Variants in MDH1B observed in about 807,000 individuals in gnomAD.
MDH1B encodes malate dehydrogenase 1B.
MDH1B carries 60 observed loss-of-function variants against 61.4 expected under a neutral mutation model. The observed-to-expected ratio is 0.98, with a 90% CI of 0.79 to 1.21. The LOEUF is 1.21. MDH1B is among the 50% of genes most tolerant of loss of function. The pLI is 0.00. For missense variants in MDH1B, 587 were observed against 632.1 expected (o/e 0.93, Z 0.76); for synonymous variants, 236 against 218.7 (o/e 1.08, Z -0.70).
chr2:206,755,300 G>A lies in MDH1B; in HGVS notation c.619C>T (p.Gln207Ter), dbSNP rs754664125. The change falls in exon 5 of 12, where the codon CAG becomes TAG. Residue 207 changes from glutamine (Q) to a stop codon, truncating the protein, a stop_gained. Transcript: ENST00000374412. LOFTEE classifies it high-confidence loss of function. ...ICTKVEEAFR[Q>*]AHVIVVLDDS... ...TCCAGCACCACAATGACGTGGGCCT[G>A]GCGGAAGGCCTCCTCCACCTTCGTG... The A allele has an allele frequency of 1.9e-6, 3 of 1,614,210 alleles. No homozygotes were observed. The highest frequency in any genetic ancestry group is 1.6e-4 in the Middle Eastern group (1 of 6,062).
chr2:206,757,414 C>T (rs1688828873), intron 2 of MDH1B, 43 bp from the exon 3 acceptor site: 1 of 1,588,720 alleles, frequency 6.3e-7, no homozygotes, highest in East Asian at 2.2e-5. Context: ...TTAAATCTGC[C>T]TGAGAATTCA....
chr2:206,762,078 T>C (rs1210752386), intron 1 of MDH1B, among the ~76,000 whole-genome samples: 1 of 152,120 alleles, frequency 6.6e-6, no homozygotes, highest in East Asian at 1.9e-4. Flanking sequence ...AGGGCACCTT[T>C]AAAATTCATG....
chr2:206,753,570 G>A (rs1688577725), intron 5 of MDH1B, among the ~76,000 whole-genome samples: 1 of 152,118 alleles, frequency 6.6e-6, no homozygotes, highest in African/African-American at 2.4e-5. Context: ...TTGCTTTTCT[G>A]AAAAGGTTTG....
chr2:206,740,995 G>A, intron 10 of MDH1B, 59 bp downstream of exon 10: 1 of 1,606,396 alleles, frequency 6.2e-7, no homozygotes, highest in Non-Finnish European at 8.5e-7. Context: ...CTAACAACTG[G>A]ACAATATGAG....
At chr2:206,762,035 C>A (rs1248104608) in intron 1 of MDH1B, among the ~76,000 whole-genome samples, 5 of 152,118 alleles carry the variant, frequency 3.3e-5, no homozygotes, top group African/African-American at 1.2e-4. Context: ...TACCTGCTAG[C>A]CACCACTACA....
rs773728755 is a variant in MDH1B, at chr2:206,745,662, A to C, written c.1368T>G (p.Val456=). ...GAAAATGTATCTTGTCTCCAAGTGC[A>C]ACAAGTTTCTCCTGTTGAAATTTTA... ...MTSDLIQEKL[V]ALGDKIHFQP... is the part of the protein sequence containing the mutation. The change falls in exon 9 of 12, where the codon GTT becomes GTG. Residue 456 remains valine (V), a synonymous_variant. Transcript: ENST00000374412. The C allele has an allele frequency of 1.1e-5, 18 of 1,611,414 alleles. No homozygotes were observed. Among genetic ancestry groups the C allele is most frequent in the Admixed American group, 1.7e-5 (1 of 59,958 alleles).
rs1231841548 is a variant in MDH1B, at chr2:206,742,511, T to G, written c.1409-1407A>C. ...TTGTCTGAGGAGATAAACCCTGTGC[T>G]GCCTGAGGCAAGAGTGACGGCCTCC... On this transcript the variant is annotated intron_variant, in intron 9 of 11. Coordinates refer to ENST00000374412, the MANE Select transcript of MDH1B (RefSeq NM_001039845.3). Among the ~76,000 whole-genome samples the G allele has an allele frequency of 2.6e-5, 4 of 152,162 alleles. No individual in the cohort carries two copies. In the East Asian group the frequency reaches 5.8e-4, roughly 22 times the overall value.
intron 6 of MDH1B, 132 bp downstream of exon 6, chr2:206,750,802 G>T: frequency 1.4e-6 from 1 of 695,814 alleles, no homozygotes; most frequent in Non-Finnish European, 2.1e-6. Flanking sequence ...TCAGTAGACA[G>T]CATGAACAAA....
At chr2:206,763,170 A>T (rs1689201603) in intron 1 of MDH1B, among the ~76,000 whole-genome samples, 1 of 150,838 alleles carries the variant, frequency 6.6e-6, no homozygotes, top group Non-Finnish European at 1.5e-5. Flanking sequence ...AGTCGCTTAT[A>T]TTTATTATGT....
chr2:206,759,628 T>C (rs1020198009), intron 2 of MDH1B, among the ~76,000 whole-genome samples: 7 of 152,228 alleles, frequency 4.6e-5, no homozygotes, highest in African/African-American at 1.7e-4. Flanking sequence ...TAATAGTCAT[T>C]CTGACGGGTA....
chr2:206,757,477 C>T (rs1688832324), intron 2 of MDH1B, 106 bp from the exon 3 acceptor site: 5 of 923,764 alleles, frequency 5.4e-6, no homozygotes, highest in East Asian at 2.5e-5. Context: ...TTTAATGTCA[C>T]TATATACACA....
intron 9 of MDH1B, among the ~76,000 whole-genome samples, chr2:206,741,543 T>G (rs1687810929): frequency 6.6e-6 from 1 of 152,176 alleles, no homozygotes; most frequent in African/African-American, 2.4e-5. Flanking sequence ...CTAGCCTACA[T>G]TTTTCTCCCA....
At chr2:206,744,699 G>C (rs1687995351) in intron 9 of MDH1B, among the ~76,000 whole-genome samples, 1 of 152,006 alleles carries the variant, frequency 6.6e-6, no homozygotes, top group African/African-American at 2.4e-5. Flanking sequence ...GGCTGAGGTG[G>C]GTGGATCACG....
intron 11 of MDH1B, 130 bp downstream of exon 11, chr2:206,739,463 G>T: frequency 1.3e-6 from 1 of 798,578 alleles, no homozygotes; most frequent in Non-Finnish European, 2.0e-6. Context: ...AACCAAGGCT[G>T]GGTCCCTGGG....
intron 2 of MDH1B, among the ~76,000 whole-genome samples, chr2:206,758,944 T>A (rs1688927844): frequency 6.6e-6 from 1 of 150,920 alleles, no homozygotes; most frequent in South Asian, 2.1e-4. Flanking sequence ...TGGCTGTCCG[T>A]TCTAGGCCAA....
chr2:206,750,802 G>A, intron 6 of MDH1B, 132 bp downstream of exon 6: 1 of 695,814 alleles, frequency 1.4e-6, no homozygotes, highest in Non-Finnish European at 2.1e-6. Context: ...TCAGTAGACA[G>A]CATGAACAAA....
At chr2:206,746,241 A>C (rs1688103340) in intron 8 of MDH1B, 46 bp downstream of exon 8, 1 of 1,563,964 alleles carries the variant, frequency 6.4e-7, no homozygotes, top group South Asian at 1.2e-5. Flanking sequence ...GAATCAGTTT[A>C]AGGTCATTAT....
intron 5 of MDH1B, among the ~76,000 whole-genome samples, chr2:206,752,426 G>A (rs956997786): frequency 6.6e-6 from 1 of 152,104 alleles, no homozygotes; most frequent in African/African-American, 2.4e-5. Context: ...TTTGTCCTGT[G>A]AGATTCCCGC....
intron 10 of MDH1B, 40 bp downstream of exon 10, chr2:206,741,014 A>G: frequency 6.2e-7 from 1 of 1,611,894 alleles, no homozygotes; most frequent in Non-Finnish European, 8.5e-7. Flanking sequence ...AGTCACGACT[A>G]TTAGCAATAT....
Sources: allele counts gnomAD v4.1 joint callset (sites outside exome capture counted in the v4.1 genomes callset), GRCh38; gene constraint gnomAD v4.1.1; transcripts MANE v1.5; gene names NCBI Gene and HGNC (gene_info 2026-07-23, HGNC 2026-07-21).